The following GABRA3 variants were observed in gnomAD, a reference collection of about 807,000 sequenced individuals.
The protein encoded by GABRA3 is gamma-aminobutyric acid type A receptor subunit alpha3.
In GABRA3, 10 loss-of-function variants were observed where a neutral mutation model predicts 30.1. The ratio of observed to expected loss-of-function variants is 0.33; its 90% CI spans 0.20 to 0.56. GABRA3 has a LOEUF of 0.56. Ranked by LOEUF, GABRA3 falls within the 20% of genes least tolerant of loss-of-function variation. The probability of loss-of-function intolerance (pLI) is 0.89; values close to 1 mark genes in which losing one functional copy is unlikely to be tolerated. For missense variants in GABRA3, 233 were observed against 392.0 expected (o/e 0.59, Z 3.42); for synonymous variants, 151 against 146.8 (o/e 1.03, Z -0.21).
intron 3 of GABRA3, among the ~76,000 whole-genome samples, chrX:152,297,473 C>T (rs909590422): frequency 5.4e-5 from 6 of 111,970 alleles, no homozygotes; most frequent in South Asian, 7.4e-4. Context: ...GCCTTTCACT[C>T]GTTCTAGATT....
At chrX:152,225,417 C>T (rs111585537) in intron 5 of GABRA3, among the ~76,000 whole-genome samples, 3,103 of 44,569 alleles carry the variant, frequency 0.07, 58 homozygotes, top group Middle Eastern at 0.15. Flanking sequence ...CACACACACA[C>T]GCACACACAC....
intron 6 of GABRA3, among the ~76,000 whole-genome samples, chrX:152,220,298 T>C (rs1937807579): frequency 1.8e-5 from 2 of 112,047 alleles, no homozygotes; most frequent in South Asian, 3.7e-4. Flanking sequence ...CCTGTTTGTA[T>C]ATATAGCATA....
intron 6 of GABRA3, among the ~76,000 whole-genome samples, chrX:152,217,567 G>C (rs1270795888): frequency 9.0e-6 from 1 of 111,333 alleles, no homozygotes; most frequent in Non-Finnish European, 1.9e-5. Flanking sequence ...CAAGTGTTTT[G>C]TACAATTCAA....
chrX:152,395,429 G>T (rs781384690), intron 1 of GABRA3, among the ~76,000 whole-genome samples: 4 of 111,383 alleles, frequency 3.6e-5, no homozygotes, highest in Admixed American at 9.6e-5. Flanking sequence ...TATACACAGA[G>T]AATCAATTAG....
chrX:152,412,559 A>G (rs1453215047), intron 1 of GABRA3, among the ~76,000 whole-genome samples: 1 of 112,254 alleles, frequency 8.9e-6, no homozygotes, highest in Non-Finnish European at 1.9e-5. Context: ...ATTCTATAAT[A>G]TGGATGAACC....
chrX:152,280,808 C>A (rs1939185923), intron 4 of GABRA3, among the ~76,000 whole-genome samples: 2 of 111,116 alleles, frequency 1.8e-5, no homozygotes. Context: ...GGGATCTAAG[C>A]AAAGTATTCC....
At chrX:152,398,940 T>C (rs1929727077) in intron 1 of GABRA3, among the ~76,000 whole-genome samples, 3 of 111,673 alleles carry the variant, frequency 2.7e-5, no homozygotes, top group Non-Finnish European at 5.6e-5. Flanking sequence ...GATATATCAA[T>C]ATGCACTCAG....
Position 152,442,035 on chromosome X carries a change from C to T in GABRA3, c.-27+9111G>A, listed in dbSNP as rs747221449. ...AGGACCCCATAAACAAAATAGAAAG[C>T]GAAGTAACATTATAGAAGCAGATAT... On this transcript the variant is annotated intron_variant, in intron 1 of 9. Transcript: ENST00000370314. Among the ~76,000 whole-genome samples the T allele has an allele frequency of 4.7e-4, 52 of 110,675 alleles. 1 individual carries two copies. In the South Asian group the frequency reaches 0.017, roughly 35 times the overall value.
intron 3 of GABRA3, among the ~76,000 whole-genome samples, chrX:152,304,016 G>C (rs1939681579): frequency 8.9e-6 from 1 of 111,847 alleles, no homozygotes; most frequent in Non-Finnish European, 1.9e-5. Context: ...GCGTGAGATG[G>C]TATCTTATTG....
At chrX:152,374,913 TG>T (rs1417013950) in intron 1 of GABRA3, among the ~76,000 whole-genome samples, 2 of 111,615 alleles carry the variant, frequency 1.8e-5, no homozygotes, top group African/African-American at 3.3e-5. Context: ...CCACATTGCT[TG>T]TTTTTGTCAA....
intron 4 of GABRA3, among the ~76,000 whole-genome samples, chrX:152,283,731 A>G (rs1438588847): frequency 1.8e-5 from 2 of 112,236 alleles, no homozygotes; most frequent in East Asian, 5.6e-4. Context: ...CAACAGGCGG[A>G]AAGAAGCTTT....
intron 4 of GABRA3, among the ~76,000 whole-genome samples, chrX:152,277,534 G>C (rs1939110042): frequency 9.0e-6 from 1 of 110,901 alleles, no homozygotes; most frequent in African/African-American, 3.3e-5. Flanking sequence ...AAACTACTGG[G>C]GAAAATCACA....
intron 4 of GABRA3, among the ~76,000 whole-genome samples, chrX:152,269,649 G>T (rs1369362636): frequency 2.7e-5 from 3 of 111,819 alleles, no homozygotes; most frequent in African/African-American, 9.8e-5. Context: ...GAGATACATA[G>T]ACTAATGGAA....
chrX:152,335,959 G>A (rs994398472), intron 3 of GABRA3, among the ~76,000 whole-genome samples: 23 of 111,427 alleles, frequency 2.1e-4, no homozygotes, highest in African/African-American at 6.8e-4. Flanking sequence ...AGCCTCAAGC[G>A]ATCCTCCTGC....
intron 2 of GABRA3, 127 bp from the exon 3 acceptor site, chrX:152,345,829 C>G: frequency 3.6e-6 from 2 of 548,057 alleles, no homozygotes; most frequent in East Asian, 7.8e-5. Flanking sequence ...ATATCTTATC[C>G]AAAATAGCAA....
chrX:152,288,590 G>A (rs1939338945), intron 3 of GABRA3, among the ~76,000 whole-genome samples: 1 of 111,840 alleles, frequency 8.9e-6, no homozygotes, highest in Admixed American at 9.5e-5. Flanking sequence ...GATGTCTAAG[G>A]TCCTGGGTCC....
intron 3 of GABRA3, among the ~76,000 whole-genome samples, chrX:152,345,207 T>C (rs1201350497): frequency 9.0e-6 from 1 of 111,433 alleles, no homozygotes; most frequent in East Asian, 2.8e-4. Context: ...GAGATGCTCC[T>C]CAACTTACAA....
rs758034897 is a variant in GABRA3 at position 152,344,773 on chromosome X, A to T, written c.262+808T>A. 8.1e-5 allele frequency among the ~76,000 whole-genome samples: 9 copies of T among 111,562 alleles called. No homozygotes were observed. In the East Asian group the frequency reaches 2.0e-3, roughly 24 times the overall value. On this transcript the variant is annotated intron_variant, in intron 3 of 9. Transcript: ENST00000370314. ...ATGGAAGATTTAATCAATGTCATGA[A>T]AGACAAAGAAATGCTGAGTGTAGGC... is the stretch of plus-strand genomic sequence containing the variant.
chrX:152,414,150 T>G (rs1318900515), intron 1 of GABRA3, among the ~76,000 whole-genome samples: 2 of 111,536 alleles, frequency 1.8e-5, no homozygotes, highest in African/African-American at 6.5e-5. Flanking sequence ...AAATGGAATT[T>G]TATGTACATA....
Sources: gnomAD v4.1 joint callset for allele counts (sites outside exome capture counted in the v4.1 genomes callset) on GRCh38, gnomAD v4.1.1 for gene constraint, MANE v1.5 for transcripts, NCBI Gene and HGNC (gene_info 2026-07-23, HGNC 2026-07-21) for gene names.